The following MYRFL variants were observed in gnomAD, a reference collection of about 807,000 sequenced individuals.
The protein encoded by MYRFL is myelin regulatory factor like, also known as myelin regulatory factor-like protein.
Under a neutral mutation model 109.4 loss-of-function variants are expected in MYRFL, and 88 were observed. The observed-to-expected ratio is 0.80, with a 90% confidence interval of 0.68 to 0.96. MYRFL has a LOEUF of 0.96. MYRFL is among the 40% of genes least tolerant of loss of function. The pLI, the probability that MYRFL is intolerant of heterozygous loss-of-function variation, is 0.00. For missense variants in MYRFL, 957 were observed against 954.9 expected, an observed-to-expected ratio of 1.00 and a Z score of -0.03; for synonymous variants, 324 against 320.9, an observed-to-expected ratio of 1.01 and a Z score of -0.10.
Position 69,936,179 on chromosome 12 carries a change from C to T in MYRFL, c.1983C>T (p.Leu661=), listed in dbSNP as rs957873174. The T allele has an allele frequency of 1.1e-5, 17 of 1,500,174 alleles. No homozygotes were observed. The African/African-American group carries it at 2.0e-4, about 17-fold the overall frequency. The allele number at this position is 1,500,174 out of a possible 1,614,324, so 92.9% of individuals were successfully genotyped here. A position where few individuals can be genotyped will look rare whatever the true frequency, so the allele number is the denominator to read the frequency against. ...LKDQDRRVPN[L]PPSNITSSQE... ...ATCAAGACCGACGTGTCCCAAATCT[C>T]CCTCCAAGGTGAGAGTTCAGTTCAA... Residue 661 remains leucine (L), a synonymous_variant, in exon 17 of 25, where the codon CTC becomes CTT. Transcript: ENST00000552032.
chr12:69,926,538 A>G, intron 13 of MYRFL, 33 bp from the exon 14 acceptor site: 1 of 1,448,634 alleles, frequency 6.9e-7, no homozygotes, highest in Non-Finnish European at 9.1e-7. Context: ...CAAATTGTTA[A>G]TTTATGCACT....
chr12:69,825,279 TC>T lies in MYRFL; in HGVS notation c.-238del, dbSNP rs1345881817. 1 of 670,748 alleles carries T rather than the reference TC, an allele frequency of 1.5e-6. No homozygotes were observed. 41.5% of individuals were successfully genotyped at this position (670,748 alleles called of 1,614,324 possible). On this transcript the variant is annotated 5_prime_UTR_variant, in exon 1 of 25. An upstream open reading frame in the 5' UTR loses its in-frame stop. Coordinates refer to ENST00000552032, the MANE Select transcript of MYRFL (RefSeq NM_182530.3). ...ACAGATGAATTTGCTACCTCTTCCC[TC>T]TTCATGAATTTTTTTTAAATGTATG...
chr12:69,894,592 C>T (rs1887109768), intron 8 of MYRFL, among the ~76,000 whole-genome samples: 1 of 152,106 alleles, frequency 6.6e-6, no homozygotes, highest in African/African-American at 2.4e-5. Context: ...GTCATTTTTC[C>T]TTATTCTTTA....
intron 2 of MYRFL, among the ~76,000 whole-genome samples, chr12:69,864,747 G>C (rs1884914296): frequency 6.6e-6 from 1 of 151,942 alleles, no homozygotes; most frequent in Admixed American, 6.6e-5. Context: ...TTCTGTGCTA[G>C]GCGCTGCATG....
Position 69,845,140 on chromosome 12 carries a change from C to T in MYRFL, c.47-10140C>T, listed in dbSNP as rs1486836325. ...CTCCATCACAGTCTGTTATACCAGC[C>T]TGTTTTGTTTTCCTCACACTCTGAA... On this transcript the variant is annotated intron_variant, in intron 1 of 24. Coordinates refer to ENST00000552032, the MANE Select transcript of MYRFL (RefSeq NM_182530.3). Among the ~76,000 whole-genome samples the T allele has an allele frequency of 2.0e-5, 3 of 152,136 alleles. No individual in the cohort carries two copies. In the South Asian group the frequency reaches 6.2e-4, roughly 32 times the overall value.
chr12:69,832,795 T>C (rs1324829609), intron 1 of MYRFL, among the ~76,000 whole-genome samples: 1 of 151,890 alleles, frequency 6.6e-6, no homozygotes, highest in Non-Finnish European at 1.5e-5. Flanking sequence ...GTGGAGAGTT[T>C]TAAGCAGGAG....
chr12:69,895,556 T>A, intron 9 of MYRFL, 75 bp downstream of exon 9: 1 of 1,192,672 alleles, frequency 8.4e-7, no homozygotes, highest in Non-Finnish European at 1.2e-6. Context: ...CTGGGGCCCC[T>A]CTGATCTTCC....
intron 2 of MYRFL, among the ~76,000 whole-genome samples, chr12:69,866,819 A>G (rs1489195956): frequency 6.6e-6 from 1 of 152,210 alleles, no homozygotes; most frequent in African/African-American, 2.4e-5. Context: ...GTCCCATTAG[A>G]TGCTGTGAGG....
At chr12:69,878,242 CAAAAAAA>C (rs60069243) in intron 2 of MYRFL, among the ~76,000 whole-genome samples, 1 of 112,718 alleles carries the variant, frequency 8.9e-6, no homozygotes, top group Non-Finnish European at 1.8e-5. Flanking sequence ...GACTCCATCT[CAAAAAAA>C]AAAAAAAAAA....
intron 1 of MYRFL, among the ~76,000 whole-genome samples, chr12:69,843,264 A>T (rs766889173): frequency 9.2e-5 from 14 of 152,192 alleles, no homozygotes; most frequent in Non-Finnish European, 1.5e-4. Context: ...GAACACTGGC[A>T]TGTCAGAGGG....
At chr12:69,853,014 T>C (rs904123729) in intron 1 of MYRFL, among the ~76,000 whole-genome samples, 7 of 152,236 alleles carry the variant, frequency 4.6e-5, no homozygotes, top group Admixed American at 3.9e-4. Context: ...AACATCTGAT[T>C]TCTCTTTCTT....
rs541630277 is a variant in MYRFL at position 69,893,025 on chromosome 12, A to T, written c.904-739A>T. The stretch of plus-strand genomic sequence containing the variant: ...TCCCTTATTATTAGAAGTTTTGTTT[A>T]TTTTCCATTTTTTATTGTTAATAAA... On this transcript the variant is annotated intron_variant, in intron 7 of 24. Coordinates refer to ENST00000552032, the MANE Select transcript of MYRFL (RefSeq NM_182530.3). Among the ~76,000 whole-genome samples, 151 of 152,238 alleles carry T rather than the reference A, an allele frequency of 9.9e-4. 1 individual carries two copies. Among genetic ancestry groups the T allele is most frequent in the African/African-American group, 3.5e-3 (147 of 41,552 alleles).
chr12:69,943,303 C>G lies in MYRFL; in HGVS notation c.2224+6671C>G, dbSNP rs1284916680. On this transcript the variant is annotated intron_variant, in intron 19 of 24. Coordinates refer to ENST00000552032, the MANE Select transcript of MYRFL (RefSeq NM_182530.3). ...AACTATACTACAAGGCTACAGTAAC[C>G]AAAACAGCATGGTACTGGTACCAAA... is the stretch of plus-strand genomic sequence containing the variant. Among the ~76,000 whole-genome samples, 9 of 149,750 alleles carry G rather than the reference C, an allele frequency of 6.0e-5. No homozygotes were observed. In the East Asian group the frequency reaches 1.8e-3, roughly 29 times the overall value.
chr12:69,855,916 G>A (rs1884251680), intron 2 of MYRFL, among the ~76,000 whole-genome samples: 1 of 151,626 alleles, frequency 6.6e-6, no homozygotes. Context: ...TTATTTTCTG[G>A]TATTAATATA....
chr12:69,958,531 A>C lies in MYRFL; in HGVS notation c.2733A>C (p.Ter911TyrextTer46), dbSNP rs2120571647. The change falls in exon 25 of 25, where the codon TAA becomes TAC. Residue 911 changes from the stop codon to tyrosine, a stop_lost. Transcript: ENST00000552032. The stretch of plus-strand genomic sequence containing the variant: ...TTTACTTCTATCGACGCTGTGCCTA[A>C]TTTGTTCAAGTTTGGGGACTTTACC... ...YFFYFYRRCA[*>Y] 6.5e-7 allele frequency: 1 copy of C among 1,530,740 alleles called. No homozygotes were observed. The highest frequency in any genetic ancestry group is 2.4e-5 in the East Asian group (1 of 40,856). The allele number at this position is 1,530,740 out of a possible 1,614,324, so 94.8% of individuals were successfully genotyped here.
chr12:69,919,608 T>G (rs1954843877), intron 13 of MYRFL, among the ~76,000 whole-genome samples: 1 of 152,146 alleles, frequency 6.6e-6, no homozygotes, highest in South Asian at 2.1e-4. Flanking sequence ...GGATTCTGTG[T>G]TTTTAAATCC....
Position 69,891,111 on chromosome 12 carries a change from C to T in MYRFL, c.848C>T (p.Thr283Ile). 1 of 1,534,790 alleles carries T rather than the reference C, an allele frequency of 6.5e-7. No homozygotes were observed. The highest frequency in any genetic ancestry group is 8.7e-7 in the Non-Finnish European group (1 of 1,146,414). ...TGGGGAAGTCCAAAATTTGTTGAAA[C>T]CGAGATGGGCCTAAAGCCAATAGAA... ...QVWGSPKFVE[T>I]EMGLKPIEMF... is the part of the protein sequence containing the mutation. Residue 283 changes from threonine to isoleucine, a missense_variant, in exon 7 of 25, where the codon ACC becomes ATC. Thr to Ile is a moderately conservative substitution (Grantham distance 89). Transcript: ENST00000552032.
chr12:69,874,486 A>G (rs958483115), intron 2 of MYRFL, among the ~76,000 whole-genome samples: 17 of 152,300 alleles, frequency 1.1e-4, no homozygotes, highest in East Asian at 3.9e-4. Context: ...CTTCAGATGT[A>G]TTTTTAAAAA....
At chr12:69,856,243 C>T (rs901047826) in intron 2 of MYRFL, among the ~76,000 whole-genome samples, 9 of 152,122 alleles carry the variant, frequency 5.9e-5, no homozygotes, top group Non-Finnish European at 1.0e-4. Flanking sequence ...TATTTCATTC[C>T]TTCTTTGTTA....
Sources: allele counts gnomAD v4.1 joint callset (sites outside exome capture counted in the v4.1 genomes callset), GRCh38; gene constraint gnomAD v4.1.1; transcripts MANE v1.5; gene names NCBI Gene and HGNC (gene_info 2026-07-23, HGNC 2026-07-21).